The following SEMA3A variants were observed in gnomAD, a reference collection of about 807,000 sequenced individuals.
SEMA3A encodes semaphorin-3A.
In SEMA3A, 29 loss-of-function variants were observed where a neutral mutation model predicts 97.9. The ratio of observed to expected loss-of-function variants is 0.30; its 90% CI spans 0.22 to 0.40. The LOEUF is 0.40. Among genes scored for constraint, SEMA3A ranks in the 10% least tolerant of loss-of-function variants. The pLI, the probability that SEMA3A is intolerant of heterozygous loss-of-function variation, is 1.00. For synonymous variants in SEMA3A, 321 were observed against 323.7 expected, an observed-to-expected ratio of 0.99 and a Z score of 0.09; for missense variants, 763 against 951.3, an observed-to-expected ratio of 0.80 and a Z score of 2.60.
intron 3 of SEMA3A, among the ~76,000 whole-genome samples, chr7:84,286,908 T>C (rs186622714): frequency 9.9e-5 from 15 of 152,224 alleles, no homozygotes; most frequent in Middle Eastern, 3.4e-3. Flanking sequence ...TATCTCACCA[T>C]CAATCTACAT....
chr7:84,391,164 C>A (rs1242365870), intron 1 of SEMA3A, among the ~76,000 whole-genome samples: 1 of 152,254 alleles, frequency 6.6e-6, no homozygotes, highest in Admixed American at 6.5e-5. Flanking sequence ...TCCTCAGCAC[C>A]TTTCATAGGA....
intron 1 of SEMA3A, among the ~76,000 whole-genome samples, chr7:84,455,885 G>A (rs971367703): frequency 6.6e-6 from 1 of 151,888 alleles, no homozygotes; most frequent in African/African-American, 2.4e-5. Context: ...TCATGCTAAT[G>A]AATATCTCTT....
intron 11 of SEMA3A, among the ~76,000 whole-genome samples, chr7:84,003,171 A>G (rs1790530008): frequency 6.6e-6 from 1 of 152,262 alleles, no homozygotes. Context: ...ATATGAGATC[A>G]AGAAAGGTTG....
intron 4 of SEMA3A, among the ~76,000 whole-genome samples, chr7:84,106,498 C>T (rs1391679314): frequency 6.6e-6 from 1 of 152,102 alleles, no homozygotes; most frequent in African/African-American, 2.4e-5. Context: ...ACATATTTCT[C>T]AGATTCTATC....
intron 9 of SEMA3A, 53 bp downstream of exon 9, chr7:84,010,969 G>T: frequency 1.5e-6 from 2 of 1,336,628 alleles, no homozygotes; most frequent in Non-Finnish European, 2.1e-6. Context: ...TGAGTACTTG[G>T]ATAGCACCTA....
At chr7:83,999,310 T>C (rs970547850) in intron 12 of SEMA3A, among the ~76,000 whole-genome samples, 11 of 152,072 alleles carry the variant, frequency 7.2e-5, no homozygotes, top group Admixed American at 5.9e-4. Context: ...ATTAATGTAC[T>C]AAACAACATA....
At chr7:84,091,147 G>GAAA (rs1794563794) in intron 4 of SEMA3A, among the ~76,000 whole-genome samples, 3 of 20,294 alleles carry the variant, frequency 1.5e-4, no homozygotes, top group Non-Finnish European at 2.9e-4. Flanking sequence ...AAGGAAGGAA[G>GAAA]GAAGGAAGGA....
intron 3 of SEMA3A, among the ~76,000 whole-genome samples, chr7:84,284,677 T>A (rs1450029929): frequency 1.3e-5 from 2 of 152,324 alleles, no homozygotes; most frequent in East Asian, 1.9e-4. Context: ...TTGTGTCTTA[T>A]GAACTGAATG....
intron 14 of SEMA3A, among the ~76,000 whole-genome samples, chr7:83,977,567 T>C (rs944271494): frequency 4.6e-5 from 7 of 151,836 alleles, no homozygotes; most frequent in Admixed American, 4.6e-4. Flanking sequence ...TTTAAAATAA[T>C]AATCCATTTT....
intron 6 of SEMA3A, among the ~76,000 whole-genome samples, chr7:84,019,856 A>AT (rs1243247023): frequency 6.6e-6 from 1 of 151,940 alleles, no homozygotes; most frequent in African/African-American, 2.4e-5. Flanking sequence ...CTGAACCTGA[A>AT]TTGTAAGCTA....
intron 12 of SEMA3A, among the ~76,000 whole-genome samples, chr7:83,998,741 ATTC>A (rs1266120530): frequency 6.6e-6 from 1 of 151,974 alleles, no homozygotes; most frequent in Non-Finnish European, 1.5e-5. Context: ...CTTTCCTTAC[ATTC>A]TTGTTTGATA....
At chr7:84,066,439 G>A (rs201501663) in intron 4 of SEMA3A, among the ~76,000 whole-genome samples, 16,814 of 136,852 alleles carry the variant, frequency 0.12, 1,314 homozygotes, top group East Asian at 0.38. Context: ...GGCAGGAGAA[G>A]GAAATAAAGG....
intron 15 of SEMA3A, among the ~76,000 whole-genome samples, chr7:83,965,071 A>G (rs1788616429): frequency 6.6e-6 from 1 of 151,030 alleles, no homozygotes; most frequent in Non-Finnish European, 1.5e-5. Flanking sequence ...TTTTTTTTCT[A>G]ACTGTTCTGT....
chr7:84,352,180 A>G (rs1802453403), intron 2 of SEMA3A, among the ~76,000 whole-genome samples: 1 of 151,976 alleles, frequency 6.6e-6, no homozygotes, highest in African/African-American at 2.4e-5. Flanking sequence ...AAAAATTAAA[A>G]CAATTGAGAT....
intron 1 of SEMA3A, among the ~76,000 whole-genome samples, chr7:84,481,097 T>C (rs960920436): frequency 5.3e-5 from 8 of 152,172 alleles, no homozygotes; most frequent in African/African-American, 1.7e-4. Context: ...ATAAAGCTCA[T>C]GACACTTGAA....
chr7:84,040,735 T>C (rs776145447), intron 6 of SEMA3A, among the ~76,000 whole-genome samples: 1 of 151,986 alleles, frequency 6.6e-6, no homozygotes, highest in African/African-American at 2.4e-5. Context: ...GCTTTGAATG[T>C]AGTGACTCTA....
At position 84,071,464 on chromosome 7, in the gene SEMA3A, C is replaced by T. The variant is rs188697137; in HGVS notation, c.454-10906G>A. ...ATTCTTTTTTAGGCCAGGAGTTATGCGAAGTGGTGTTTAATGGCAGGACAG... is the reference window on the plus strand; with the variant it reads ...ATTCTTTTTTAGGCCAGGAGTTATGTGAAGTGGTGTTTAATGGCAGGACAG... On this transcript the variant is annotated intron_variant, in intron 4 of 16. Transcript: ENST00000265362. Among the ~76,000 whole-genome samples, 5 of 152,108 alleles carry T rather than the reference C, an allele frequency of 3.3e-5. No individual in the cohort carries two copies. In the East Asian group the frequency reaches 9.6e-4, roughly 29 times the overall value.
intron 1 of SEMA3A, among the ~76,000 whole-genome samples, chr7:84,172,386 T>C (rs1254240780): frequency 6.6e-6 from 1 of 152,132 alleles, no homozygotes; most frequent in Non-Finnish European, 1.5e-5. Flanking sequence ...TGTCACAAAA[T>C]ATTCTTCTTT....
At chr7:84,067,627 C>A (rs1793571554) in intron 4 of SEMA3A, among the ~76,000 whole-genome samples, 1 of 152,168 alleles carries the variant, frequency 6.6e-6, no homozygotes, top group African/African-American at 2.4e-5. Flanking sequence ...TGAACAGACA[C>A]TTCTCAAAAG....
Sources: gnomAD v4.1 joint callset for allele counts (sites outside exome capture counted in the v4.1 genomes callset) on GRCh38, gnomAD v4.1.1 for gene constraint, MANE v1.5 for transcripts, NCBI Gene and HGNC (gene_info 2026-07-23, HGNC 2026-07-21) for gene names.